The following FGF10 variants were observed in gnomAD, a reference collection of about 807,000 sequenced individuals.
FGF10 encodes the protein FGF-10.
In FGF10, 2 loss-of-function variants were observed where a neutral mutation model predicts 19.8. That is an observed-to-expected ratio of 0.10 (90% CI 0.04 to 0.32). FGF10 has a LOEUF of 0.32. Among genes scored for constraint, FGF10 ranks in the 10% least tolerant of loss-of-function variants. FGF10 has a pLI of 1.00. For synonymous variants in FGF10, 112 were observed against 94.0 expected (o/e 1.19, Z -1.10); for missense variants, 191 against 246.3 (o/e 0.78, Z 1.50).
chr5:44,306,333 G>A (rs1740075107), intron 2 of FGF10, among the ~76,000 whole-genome samples: 1 of 152,198 alleles, frequency 6.6e-6, no homozygotes, highest in Non-Finnish European at 1.5e-5. Flanking sequence ...GGATGCGGAG[G>A]TTGCAGTGAG....
At position 44,386,762 on chromosome 5, in the gene FGF10, T is replaced by C. The variant is rs540767192; in HGVS notation, c.325+1596A>G. ...CACCTCTACACGTATTTTTATTACT[T>C]ATAAACATATTGTGAATTTTAGTAA... On this transcript the variant is annotated intron_variant, in intron 1 of 2. Coordinates refer to ENST00000264664, the MANE Select transcript of FGF10 (RefSeq NM_004465.2). Among the ~76,000 whole-genome samples the C allele has an allele frequency of 2.6e-5, 4 of 152,334 alleles. No individual in the cohort carries two copies. The South Asian group carries it at 6.2e-4, about 24-fold the overall frequency.
intron 1 of FGF10, among the ~76,000 whole-genome samples, chr5:44,329,042 T>A (rs1446899553): frequency 6.6e-6 from 1 of 151,976 alleles, no homozygotes; most frequent in Non-Finnish European, 1.5e-5. Context: ...ATAAGAAAAA[T>A]TATTTCAAGT....
In FGF10 at chr5:44,300,575, C is replaced by T. The variant is rs1226534077; in HGVS notation, c.*4420G>A. On this transcript the variant is annotated 3_prime_UTR_variant, in exon 3 of 3. Transcript: ENST00000264664. ...ATATGAAAGAGAATGATCTTAAAACCTCTCTAACTTGGACAAACAAACAGG... is the reference window on the plus strand; with the variant it reads ...ATATGAAAGAGAATGATCTTAAAACTTCTCTAACTTGGACAAACAAACAGG... Among the ~76,000 whole-genome samples, 3 of 152,112 alleles carry T rather than the reference C, an allele frequency of 2.0e-5. No individual in the cohort carries two copies. Among genetic ancestry groups the T allele is most frequent in the African/African-American group, 7.2e-5 (3 of 41,430 alleles).
intron 2 of FGF10, among the ~76,000 whole-genome samples, chr5:44,307,480 A>T (rs1740106440): frequency 2.0e-5 from 3 of 152,206 alleles, no homozygotes; most frequent in Admixed American, 6.5e-5. Context: ...AGTCAGGAGA[A>T]AACTCAAAAT....
chr5:44,306,541 T>G (rs1440134107), intron 2 of FGF10, among the ~76,000 whole-genome samples: 2 of 152,232 alleles, frequency 1.3e-5, no homozygotes, highest in South Asian at 4.1e-4. Context: ...CCCGTGGGCA[T>G]AGTTCAGTTG....
chr5:44,362,292 G>T (rs187890056), intron 1 of FGF10, among the ~76,000 whole-genome samples: 14 of 151,714 alleles, frequency 9.2e-5, no homozygotes, highest in Non-Finnish European at 1.6e-4. Context: ...TTTATCCTTT[G>T]CTAAAGAGAT....
At chr5:44,377,302 G>C (rs1218123447) in intron 1 of FGF10, among the ~76,000 whole-genome samples, 2 of 152,104 alleles carry the variant, frequency 1.3e-5, no homozygotes, top group African/African-American at 4.8e-5. Context: ...CCAACTCCCT[G>C]TGATGATCTC....
intron 1 of FGF10, among the ~76,000 whole-genome samples, chr5:44,336,331 G>A (rs941491532): frequency 3.3e-5 from 5 of 151,968 alleles, no homozygotes; most frequent in Non-Finnish European, 7.4e-5. Flanking sequence ...GTATTTAAAT[G>A]CATAATTTTG....
intron 1 of FGF10, among the ~76,000 whole-genome samples, chr5:44,380,925 A>G (rs769964917): frequency 1.4e-4 from 21 of 152,316 alleles, no homozygotes; most frequent in Middle Eastern, 3.4e-3. Context: ...GGCTACAGTA[A>G]GCTGTGATCA....
At chr5:44,357,359 A>T (rs1211088615) in intron 1 of FGF10, among the ~76,000 whole-genome samples, 1 of 151,394 alleles carries the variant, frequency 6.6e-6, no homozygotes, top group African/African-American at 2.4e-5. Flanking sequence ...TAGTTTTGTC[A>T]GGTTTTTTTC....
At chr5:44,385,834 C>T (rs545252475) in intron 1 of FGF10, among the ~76,000 whole-genome samples, 1 of 152,240 alleles carries the variant, frequency 6.6e-6, no homozygotes, top group African/African-American at 2.4e-5. Flanking sequence ...GAAATCGTAG[C>T]AGCATTTAGA....
chr5:44,318,827 T>C (rs976928550), intron 1 of FGF10, among the ~76,000 whole-genome samples: 1 of 152,202 alleles, frequency 6.6e-6, no homozygotes, highest in African/African-American at 2.4e-5. Context: ...ATATCTTCTA[T>C]GTTCAATCAA....
At chr5:44,365,608 G>C (rs1188653581) in intron 1 of FGF10, among the ~76,000 whole-genome samples, 1 of 151,784 alleles carries the variant, frequency 6.6e-6, no homozygotes, top group Admixed American at 6.6e-5. Context: ...ATGACTCTAC[G>C]CTTTGATTAA....
In FGF10 at chr5:44,362,295, A is replaced by T. The variant is rs572410935; in HGVS notation, c.325+26063T>A. On this transcript the variant is annotated intron_variant, in intron 1 of 2. Coordinates refer to ENST00000264664, the MANE Select transcript of FGF10 (RefSeq NM_004465.2). ...GTCCATATATCTTTTATCCTTTGCT[A>T]AAGAGATTCCTTCTTGAAACTTGAA... Among the ~76,000 whole-genome samples, 3 of 151,786 alleles carry T rather than the reference A, an allele frequency of 2.0e-5. No individual in the cohort carries two copies. In the South Asian group the frequency reaches 6.2e-4, roughly 31 times the overall value.
chr5:44,313,755 A>G (rs893249746), intron 1 of FGF10, among the ~76,000 whole-genome samples: 3 of 152,092 alleles, frequency 2.0e-5, no homozygotes, highest in Admixed American at 2.0e-4. Flanking sequence ...ATTAGTTTTT[A>G]TGTCCCTTAA....
At chr5:44,350,396 C>G in intron 1 of FGF10, among the ~76,000 whole-genome samples, 1 of 150,312 alleles carries the variant, frequency 6.7e-6, no homozygotes, top group Admixed American at 6.6e-5. Flanking sequence ...ATCATAGATA[C>G]AGGGAAAAAA....
chr5:44,371,266 C>A (rs1306597802), intron 1 of FGF10, among the ~76,000 whole-genome samples: 1 of 152,114 alleles, frequency 6.6e-6, no homozygotes, highest in Non-Finnish European at 1.5e-5. Context: ...ATGTTCTCTG[C>A]TGCCACGGTG....
At chr5:44,356,187 G>C (rs961420986) in intron 1 of FGF10, among the ~76,000 whole-genome samples, 1 of 151,372 alleles carries the variant, frequency 6.6e-6, no homozygotes, top group African/African-American at 2.4e-5. Context: ...AGAATGGCAG[G>C]CTTTTCCCAC....
intron 1 of FGF10, among the ~76,000 whole-genome samples, chr5:44,370,749 G>C (rs187372297): frequency 4.4e-4 from 67 of 152,210 alleles, no homozygotes; most frequent in Non-Finnish European, 9.1e-4. Context: ...TTTTCTGTAA[G>C]AGGAAATGCC....
Sources: gnomAD v4.1 joint callset for allele counts (sites outside exome capture counted in the v4.1 genomes callset) on GRCh38, gnomAD v4.1.1 for gene constraint, MANE v1.5 for transcripts, NCBI Gene and HGNC (gene_info 2026-07-23, HGNC 2026-07-21) for gene names.